Variants in CTNNA3 observed in about 807,000 individuals in gnomAD.
CTNNA3 encodes catenin alpha-3.
A neutral mutation model predicts 95.7 loss-of-function variants in CTNNA3; 76 were observed. That is an observed-to-expected ratio of 0.79 (90% CI 0.66 to 0.96). CTNNA3 has a LOEUF of 0.96. Ranked by LOEUF, CTNNA3 falls within the 40% of genes least tolerant of loss-of-function variation. The pLI, the probability that CTNNA3 is intolerant of heterozygous loss-of-function variation, is 0.00. For synonymous variants in CTNNA3, 431 were observed against 374.4 expected (o/e 1.15, Z -1.74); for missense variants, 1,191 against 1,089.8 (o/e 1.09, Z -1.31).
chr10:66,518,034 C>T (rs1039944320), intron 11 of CTNNA3, among the ~76,000 whole-genome samples: 6 of 152,096 alleles, frequency 3.9e-5, no homozygotes, highest in Admixed American at 3.3e-4. Flanking sequence ...CCAAGTCCTC[C>T]GTTTGCTAGG....
intron 2 of CTNNA3, among the ~76,000 whole-genome samples, chr10:67,638,779 A>T (rs1839417483): frequency 6.6e-6 from 1 of 152,228 alleles, no homozygotes; most frequent in Non-Finnish European, 1.5e-5. Context: ...TAACAAAATG[A>T]AGGCAGAAAT....
intron 11 of CTNNA3, among the ~76,000 whole-genome samples, chr10:66,498,294 A>C (rs1051044922): frequency 1.3e-5 from 2 of 152,126 alleles, no homozygotes; most frequent in East Asian, 3.9e-4. Context: ...TAATAAATAT[A>C]TACTTCCTTA....
At chr10:65,946,211 AT>A (rs1175082094) in intron 17 of CTNNA3, among the ~76,000 whole-genome samples, 3 of 152,178 alleles carry the variant, frequency 2.0e-5, no homozygotes, top group Admixed American at 2.0e-4. Flanking sequence ...CATTTTAAAT[AT>A]TTAGAACAGT....
At chr10:67,354,552 G>A (rs978033560) in intron 5 of CTNNA3, among the ~76,000 whole-genome samples, 4 of 151,822 alleles carry the variant, frequency 2.6e-5, no homozygotes, top group African/African-American at 4.8e-5. Flanking sequence ...AAGGTTTTCC[G>A]GTGGTAGGAA....
chr10:67,227,456 G>C (rs977891173), intron 5 of CTNNA3, among the ~76,000 whole-genome samples: 1 of 152,120 alleles, frequency 6.6e-6, no homozygotes, highest in South Asian at 2.1e-4. Context: ...AAGAGACAAA[G>C]AGGGACATTA....
At chr10:67,248,546 G>C (rs897788879) in intron 5 of CTNNA3, among the ~76,000 whole-genome samples, 1 of 152,024 alleles carries the variant, frequency 6.6e-6, no homozygotes, top group Non-Finnish European at 1.5e-5. Flanking sequence ...CCCCCAAAGA[G>C]CTGGGACTAC....
chr10:66,358,565 G>A (rs10997077), intron 12 of CTNNA3, among the ~76,000 whole-genome samples: 16,071 of 152,118 alleles, frequency 0.11, 1,057 homozygotes, highest in East Asian at 0.26. Context: ...CCAGTCCCAC[G>A]TATGACTTAC....
At chr10:67,242,858 T>TA (rs1344659765) in intron 5 of CTNNA3, among the ~76,000 whole-genome samples, 2 of 152,198 alleles carry the variant, frequency 1.3e-5, no homozygotes, top group African/African-American at 4.8e-5. Flanking sequence ...AACACTCCAA[T>TA]AGCAGGAGAT....
chr10:67,554,374 C>G lies in CTNNA3; in HGVS notation c.293-14705G>C, dbSNP rs1467589844. On this transcript the variant is annotated intron_variant, in intron 3 of 17. Coordinates refer to ENST00000433211, the MANE Select transcript of CTNNA3 (RefSeq NM_013266.4). ...TGGTTGAACTAGTTTACAGTCCCAA[C>G]AGTGTAAAAGTGTTCCTATTTCTCC... is the stretch of plus-strand genomic sequence containing the variant. Among the ~76,000 whole-genome samples, 5 of 152,328 alleles carry G rather than the reference C, an allele frequency of 3.3e-5. No homozygotes were observed. In the East Asian group the frequency reaches 9.6e-4, roughly 29 times the overall value.
chr10:66,701,995 C>T (rs1467618437), intron 9 of CTNNA3, among the ~76,000 whole-genome samples: 1 of 152,078 alleles, frequency 6.6e-6, no homozygotes, highest in Non-Finnish European at 1.5e-5. Context: ...ACATCTCGGC[C>T]ACCCATATGA....
intron 7 of CTNNA3, among the ~76,000 whole-genome samples, chr10:66,806,754 A>ATGTGTGTGTG (rs1344673321): frequency 1.4e-5 from 1 of 73,412 alleles, no homozygotes; most frequent in African/African-American, 5.9e-5. Flanking sequence ...AATGTGGCAT[A>ATGTGTGTGTG]TATGTGTGTG....
At chr10:66,903,988 A>G (rs1015755819) in intron 7 of CTNNA3, among the ~76,000 whole-genome samples, 4 of 152,216 alleles carry the variant, frequency 2.6e-5, no homozygotes, top group African/African-American at 9.6e-5. Flanking sequence ...CGTCCTCACC[A>G]AGCTACCAAT....
chr10:67,313,745 C>A (rs2447659), intron 5 of CTNNA3, among the ~76,000 whole-genome samples: 106,071 of 152,038 alleles, frequency 0.7, 41,447 homozygotes, highest in Non-Finnish European at 0.88. Context: ...AAGAAAAGGA[C>A]AAGAGAAGTA....
intron 12 of CTNNA3, among the ~76,000 whole-genome samples, chr10:66,335,648 G>T (rs955923255): frequency 6.6e-6 from 1 of 152,096 alleles, no homozygotes; most frequent in Non-Finnish European, 1.5e-5. Flanking sequence ...CTACTTTGGG[G>T]TGCCTCCCAG....
intron 13 of CTNNA3, among the ~76,000 whole-genome samples, chr10:66,181,745 T>C (rs1481820479): frequency 6.6e-6 from 1 of 152,240 alleles, no homozygotes; most frequent in Admixed American, 6.5e-5. Flanking sequence ...AATTGTTATT[T>C]TTATTTATTT....
At chr10:66,993,633 A>G (rs1470614717) in intron 7 of CTNNA3, among the ~76,000 whole-genome samples, 1 of 151,826 alleles carries the variant, frequency 6.6e-6, no homozygotes, top group Non-Finnish European at 1.5e-5. Context: ...CTTTCAGATA[A>G]CATTCTTCAA....
At chr10:67,046,040 G>A (rs1281138793) in intron 7 of CTNNA3, among the ~76,000 whole-genome samples, 1 of 152,058 alleles carries the variant, frequency 6.6e-6, no homozygotes, top group Non-Finnish European at 1.5e-5. Context: ...AAGTGAAAAA[G>A]AAATACAACA....
chr10:66,274,425 A>G (rs1380868543), intron 13 of CTNNA3, among the ~76,000 whole-genome samples: 1 of 152,142 alleles, frequency 6.6e-6, no homozygotes, highest in African/African-American at 2.4e-5. Context: ...AATAGTAAAT[A>G]ATGATTCACA....
At chr10:66,791,430 AT>A (rs1220581259) in intron 7 of CTNNA3, among the ~76,000 whole-genome samples, 2 of 152,046 alleles carry the variant, frequency 1.3e-5, no homozygotes, top group East Asian at 1.9e-4. Flanking sequence ...ATTTGGAATT[AT>A]TTTCCCATTC....
Sources: allele counts gnomAD v4.1 joint callset (sites outside exome capture counted in the v4.1 genomes callset), GRCh38; gene constraint gnomAD v4.1.1; transcripts MANE v1.5; gene names NCBI Gene and HGNC (gene_info 2026-07-23, HGNC 2026-07-21).